ENPP3: variants seen among roughly 807,000 people sequenced by gnomAD.
ENPP3 encodes ectonucleotide pyrophosphatase/phosphodiesterase family member 3.
Under a neutral mutation model 117.8 loss-of-function variants are expected in ENPP3, and 104 were observed. That is an observed-to-expected ratio of 0.88 (90% CI 0.75 to 1.04). The LOEUF is 1.04. Among genes scored for constraint, ENPP3 ranks in the 50% least tolerant of loss-of-function variants. The pLI is 0.00. For missense variants in ENPP3, 1,026 were observed against 1,051.9 expected, an observed-to-expected ratio of 0.98 and a Z score of 0.34; for synonymous variants, 380 against 349.9, an observed-to-expected ratio of 1.09 and a Z score of -0.96.
intron 23 of ENPP3, among the ~76,000 whole-genome samples, chr6:131,738,533 A>G (rs1585738931): frequency 6.6e-6 from 1 of 150,926 alleles, no homozygotes. Flanking sequence ...AGGCTAAGGT[A>G]AATTTTACAA....
Position 131,740,238 on chromosome 6 carries a change from C to A in ENPP3, c.2315C>A (p.Thr772Asn), listed in dbSNP as rs755528181. 1.1e-5 allele frequency: 17 copies of A among 1,600,088 alleles called. No individual in the cohort carries two copies. In the South Asian group the frequency reaches 1.2e-4, roughly 12 times the overall value. The change falls in exon 24 of 25, where the codon ACT (threonine) becomes AAT (asparagine). Residue 772 changes from threonine to asparagine, a missense_variant. Transcript: ENST00000357639. Reference protein sequence around the residue: ...PDEITKHLANTDVPIPTHYFV... With the variant: ...PDEITKHLANNDVPIPTHYFV... ...ATGTTTGTAAGACATTTAGCCAACA[C>A]TGATGTTCCCATCCCAACACACTAC...
chr6:131,651,039 C>G (rs1585617705), intron 3 of ENPP3, among the ~76,000 whole-genome samples: 1 of 152,128 alleles, frequency 6.6e-6, no homozygotes, highest in South Asian at 2.1e-4. Context: ...CCTGCCTCAG[C>G]CTCCCAAGTA....
Position 131,705,142 on chromosome 6 carries a change from A to AAC in ENPP3, c.1412+11526_1412+11527dup, listed in dbSNP as rs1261043596. On this transcript the variant is annotated intron_variant, in intron 15 of 24. Transcript: ENST00000357639. ...AATGGCCTGTCGGTGGAGCAGTCAG[A>AAC]ACACACACAACATTTATCAATTAAG... Among the ~76,000 whole-genome samples the AAC allele has an allele frequency of 2.0e-3, 133 of 65,720 alleles. 1 individual carries two copies. Among genetic ancestry groups the AAC allele is most frequent in the African/African-American group, 0.01 (121 of 11,656 alleles). 43.1% of individuals were successfully genotyped at this position (65,720 alleles called of 152,430 possible). A position where few individuals can be genotyped will look rare whatever the true frequency, so the allele number is the denominator to read the frequency against.
intron 5 of ENPP3, among the ~76,000 whole-genome samples, chr6:131,654,079 A>G (rs1778324169): frequency 6.6e-6 from 1 of 151,414 alleles, no homozygotes; most frequent in Non-Finnish European, 1.5e-5. Flanking sequence ...CTTTAGGAGG[A>G]ATTGGTAGAG....
chr6:131,665,648 A>G (rs1778601065), intron 6 of ENPP3, among the ~76,000 whole-genome samples: 1 of 152,022 alleles, frequency 6.6e-6, no homozygotes, highest in Non-Finnish European at 1.5e-5. Context: ...AGTTAAAAGT[A>G]TGTCAATTTT....
chr6:131,661,012 C>T (rs888972340), intron 6 of ENPP3, among the ~76,000 whole-genome samples: 1 of 152,158 alleles, frequency 6.6e-6, no homozygotes, highest in Non-Finnish European at 1.5e-5. Flanking sequence ...GCTTATTTCA[C>T]TTAGTATGTC....
At chr6:131,717,108 C>G (rs1383590492) in intron 15 of ENPP3, among the ~76,000 whole-genome samples, 1 of 152,148 alleles carries the variant, frequency 6.6e-6, no homozygotes, top group Non-Finnish European at 1.5e-5. Flanking sequence ...ACTTGTCTTG[C>G]TTTCCCCATT....
At position 131,652,899 on chromosome 6, in the gene ENPP3, T is replaced by A. The variant is rs748459040; in HGVS notation, c.464+8T>A. On this transcript the variant is annotated splice_region_variant and intron_variant, in intron 5 of 24. Transcript: ENST00000357639. Reference sequence around the variant, plus strand: ...GTCTCAGTGCCCAGAAGGGTGAGCATGACTGATACAGGGATTTTTATCCTC... The same window carrying A: ...GTCTCAGTGCCCAGAAGGGTGAGCAAGACTGATACAGGGATTTTTATCCTC... The A allele has an allele frequency of 6.3e-7, 1 of 1,596,240 alleles. No individual in the cohort carries two copies. Among genetic ancestry groups the A allele is most frequent in the African/African-American group, 1.3e-5 (1 of 74,684 alleles).
intron 15 of ENPP3, among the ~76,000 whole-genome samples, chr6:131,698,380 GAGA>G: frequency 1.5e-5 from 2 of 129,334 alleles, no homozygotes; most frequent in South Asian, 5.9e-4. Flanking sequence ...CTTGTGGGAT[GAGA>G]AGATTTGCTG....
Position 131,652,648 on chromosome 6 carries a change from C to CTA in ENPP3, c.387_388dup (p.Lys130IlefsTer52). On this transcript the variant is annotated frameshift_variant, in exon 4 of 25. Coordinates refer to ENST00000357639, the MANE Select transcript of ENPP3 (RefSeq NM_005021.5). LOFTEE classifies it high-confidence loss of function. ...TGCAGAGGAAAGATTGCTGTGCTGA[C>CTA]TATAAGAGTGTTTGCCAAGGTGAGC... 1 of 1,614,062 alleles carries CTA rather than the reference C, an allele frequency of 6.2e-7. No homozygotes were observed. Among genetic ancestry groups the CTA allele is most frequent in the Non-Finnish European group, 8.5e-7 (1 of 1,179,982 alleles).
rs1485203018 is a variant in ENPP3, at chr6:131,747,012, A to C, written c.*56A>C. 1.1e-5 allele frequency: 10 copies of C among 944,710 alleles called. No homozygotes were observed. The highest frequency in any genetic ancestry group is 2.8e-5 in the South Asian group (1 of 36,308). 58.5% of individuals were successfully genotyped at this position (944,710 alleles called of 1,614,324 possible). A position where few individuals can be genotyped will look rare whatever the true frequency, so the allele number is the denominator to read the frequency against. On this transcript the variant is annotated 3_prime_UTR_variant, in exon 25 of 25. Transcript: ENST00000357639. ...CTGTATAAAGTAATTTTGGCAAAAT[A>C]TAAGTGATTTTTTTCTGGAGAATTG...
At chr6:131,664,874 A>G (rs151098564) in intron 6 of ENPP3, among the ~76,000 whole-genome samples, 17 of 152,314 alleles carry the variant, frequency 1.1e-4, no homozygotes, top group East Asian at 3.9e-4. Flanking sequence ...GGAATTGTCT[A>G]ACAACACATT....
intron 23 of ENPP3, among the ~76,000 whole-genome samples, chr6:131,739,376 A>G (rs1489885634): frequency 6.6e-6 from 1 of 152,070 alleles, no homozygotes; most frequent in East Asian, 1.9e-4. Flanking sequence ...TGAAGTTGAT[A>G]GCACAGAATC....
intron 2 of ENPP3, among the ~76,000 whole-genome samples, chr6:131,647,529 T>C (rs1448402949): frequency 6.6e-6 from 1 of 152,142 alleles, no homozygotes; most frequent in Admixed American, 6.6e-5. Flanking sequence ...TTTAAGATTT[T>C]AAACATACAA....
intron 24 of ENPP3, among the ~76,000 whole-genome samples, chr6:131,744,131 G>T (rs1420341758): frequency 6.6e-6 from 1 of 152,222 alleles, no homozygotes; most frequent in Non-Finnish European, 1.5e-5. Flanking sequence ...CTATAGGAAT[G>T]ATAGATTCAC....
chr6:131,666,942 G>A (rs1404711785), intron 6 of ENPP3, among the ~76,000 whole-genome samples: 2 of 152,090 alleles, frequency 1.3e-5, no homozygotes, highest in Non-Finnish European at 2.9e-5. Flanking sequence ...TTTCTTTGTT[G>A]TTAGGGGCCC....
At chr6:131,717,933 C>T (rs1779933528) in intron 15 of ENPP3, among the ~76,000 whole-genome samples, 1 of 152,144 alleles carries the variant, frequency 6.6e-6, no homozygotes, top group African/African-American at 2.4e-5. Context: ...CTGTGGTATT[C>T]AGTACAGTAG....
At chr6:131,658,259 G>T in intron 5 of ENPP3, 64 bp from the exon 6 acceptor site, 1 of 856,286 alleles carries the variant, frequency 1.2e-6, no homozygotes, top group Non-Finnish European at 2.0e-6. Context: ...AAAAAGGATT[G>T]CAATGCTTTT....
intron 15 of ENPP3, among the ~76,000 whole-genome samples, chr6:131,696,959 C>T (rs531167836): frequency 6.6e-6 from 1 of 152,008 alleles, no homozygotes; most frequent in Non-Finnish European, 1.5e-5. Context: ...CTAGTAGAGA[C>T]GAGGTTTCAC....
Sources: allele counts gnomAD v4.1 joint callset (sites outside exome capture counted in the v4.1 genomes callset), GRCh38; gene constraint gnomAD v4.1.1; transcripts MANE v1.5; gene names NCBI Gene and HGNC (gene_info 2026-07-23, HGNC 2026-07-21).